The following ITGA9 variants were observed in gnomAD, a reference collection of about 807,000 sequenced individuals.
ITGA9 encodes integrin subunit alpha 9.
A neutral mutation model predicts 127.8 loss-of-function variants in ITGA9; 56 were observed. That is an observed-to-expected ratio of 0.44 (90% CI 0.35 to 0.55). The LOEUF (loss-of-function observed/expected upper bound fraction) is 0.55. Ranked by LOEUF, ITGA9 falls within the 20% of genes least tolerant of loss-of-function variation. ITGA9 has a pLI of 0.00. For synonymous variants in ITGA9, 508 were observed against 514.5 expected, an observed-to-expected ratio of 0.99 and a Z score of 0.17; for missense variants, 1,196 against 1,347.1, an observed-to-expected ratio of 0.89 and a Z score of 1.76.
intron 26 of ITGA9, among the ~76,000 whole-genome samples, chr3:37,801,162 C>T (rs1408732967): frequency 6.6e-6 from 1 of 151,788 alleles, no homozygotes; most frequent in Non-Finnish European, 1.5e-5. Flanking sequence ...AAGACTCCGT[C>T]TCAAAAAAAG....
chr3:37,542,687 A>C, intron 15 of ITGA9, 102 bp downstream of exon 15: 1 of 1,237,548 alleles, frequency 8.1e-7, no homozygotes, highest in South Asian at 1.3e-5. Flanking sequence ...GTGCTCTTCC[A>C]AAATTTTATT....
At chr3:37,533,948 G>C (rs1252282356) in intron 14 of ITGA9, among the ~76,000 whole-genome samples, 1 of 152,220 alleles carries the variant, frequency 6.6e-6, no homozygotes, top group East Asian at 1.9e-4. Flanking sequence ...TGGTGTTACA[G>C]AGGCTTAGGT....
chr3:37,536,869 A>G (rs1699212954), intron 14 of ITGA9, among the ~76,000 whole-genome samples: 1 of 152,240 alleles, frequency 6.6e-6, no homozygotes, highest in Non-Finnish European at 1.5e-5. Context: ...GTCATGGACG[A>G]CCTGGGAGTA....
chr3:37,700,747 G>A (rs961688695), intron 18 of ITGA9, among the ~76,000 whole-genome samples: 1 of 152,190 alleles, frequency 6.6e-6, no homozygotes, highest in Admixed American at 6.5e-5. Context: ...CTAATGGATG[G>A]TGGGCAAATA....
At chr3:37,607,208 A>G (rs570452907) in intron 15 of ITGA9, among the ~76,000 whole-genome samples, 17 of 152,082 alleles carry the variant, frequency 1.1e-4, no homozygotes, top group South Asian at 6.2e-4. Context: ...CCTTAGGAAC[A>G]TGAGTGTTTT....
At chr3:37,810,726 A>T (rs986821772) in intron 27 of ITGA9, among the ~76,000 whole-genome samples, 1 of 152,174 alleles carries the variant, frequency 6.6e-6, no homozygotes, top group African/African-American at 2.4e-5. Context: ...TCAACAACAG[A>T]GCCCTCACCT....
Position 37,805,126 on chromosome 3 carries a change from A to G in ITGA9, c.3009+1184A>G, listed in dbSNP as rs74632362. On this transcript the variant is annotated intron_variant, in intron 27 of 27. Transcript: ENST00000264741. ...ACCCAGGCTGGAAGGCAGTGGCACA[A>G]TCATAGCTCTAACTCCTGGGCTCAA... 7.1e-3 allele frequency among the ~76,000 whole-genome samples: 1,072 copies of G among 151,982 alleles called. 3 individuals are homozygous for G. The highest frequency in any genetic ancestry group is 0.01 in the Non-Finnish European group (691 of 67,964).
intron 8 of ITGA9, among the ~76,000 whole-genome samples, chr3:37,512,048 CTTTCTTTCTTTCTTTCT>C (rs1698920732): frequency 1.3e-4 from 5 of 39,068 alleles, no homozygotes; most frequent in Non-Finnish European, 2.3e-4. Context: ...TTCTTTCTTT[CTTTCTTTCTTTCTTTCT>C]TTCTTTCTTT....
chr3:37,810,506 C>T (rs1452155693), intron 27 of ITGA9, among the ~76,000 whole-genome samples: 15 of 152,172 alleles, frequency 9.9e-5, no homozygotes, highest in Non-Finnish European at 1.8e-4. Flanking sequence ...ACCTCCGCCT[C>T]CCGGGTTCAA....
At chr3:37,632,692 A>G (rs546710978) in intron 16 of ITGA9, among the ~76,000 whole-genome samples, 176 of 152,308 alleles carry the variant, frequency 1.2e-3, no homozygotes, top group African/African-American at 4.1e-3. Context: ...AAAATTCTAA[A>G]TGTTTCGAGG....
At chr3:37,580,144 T>C (rs1008222788) in intron 15 of ITGA9, among the ~76,000 whole-genome samples, 10 of 152,170 alleles carry the variant, frequency 6.6e-5, no homozygotes, top group African/African-American at 2.4e-4. Context: ...CAGTAGATTG[T>C]TGGGGAGAAA....
At chr3:37,758,329 C>CAAAAAAAAAAAAAAAAAAA (rs57505967) in intron 23 of ITGA9, among the ~76,000 whole-genome samples, 15 of 65,988 alleles carry the variant, frequency 2.3e-4, no homozygotes, top group African/African-American at 1.0e-3. Context: ...GACTCCGTCT[C>CAAAAAAAAAAAAAAAAAAA]AAAAAAAAAA....
At chr3:37,723,311 A>G (rs930322528) in intron 18 of ITGA9, among the ~76,000 whole-genome samples, 1 of 149,086 alleles carries the variant, frequency 6.7e-6, no homozygotes, top group South Asian at 2.3e-4. Flanking sequence ...AATTTTGATG[A>G]TATCCAGATT....
chr3:37,591,290 T>C lies in ITGA9; in HGVS notation c.1690-37897T>C, dbSNP rs546423658. Among the ~76,000 whole-genome samples, 6 of 152,374 alleles carry C rather than the reference T, an allele frequency of 3.9e-5. No individual in the cohort carries two copies. The South Asian group carries it at 1.2e-3, about 32-fold the overall frequency. ...TTGCCTAATGTCCCTGGAATTTATT[T>C]GCTGGAGCATTTTCCATTTTCATAT... On this transcript the variant is annotated intron_variant, in intron 15 of 27. Transcript: ENST00000264741.
intron 4 of ITGA9, among the ~76,000 whole-genome samples, chr3:37,483,588 G>A (rs2125559817): frequency 6.6e-6 from 1 of 152,322 alleles, no homozygotes; most frequent in Non-Finnish European, 1.5e-5. Context: ...GGTGGGTGCT[G>A]GGGCCAGTGT....
chr3:37,748,018 CTTG>C (rs1696526755), intron 22 of ITGA9: 1 of 340,200 alleles, frequency 2.9e-6, no homozygotes, highest in Non-Finnish European at 5.7e-6. Flanking sequence ...CAGTTCCGTC[CTTG>C]TTGTTGCAAA....
At chr3:37,488,039 AT>A (rs1162110192) in intron 4 of ITGA9, among the ~76,000 whole-genome samples, 2 of 152,142 alleles carry the variant, frequency 1.3e-5, no homozygotes, top group East Asian at 1.9e-4. Flanking sequence ...TACTGGGAAC[AT>A]TTGGTTTCAG....
chr3:37,542,189 A>G (rs571168899), intron 14 of ITGA9, among the ~76,000 whole-genome samples: 9 of 152,140 alleles, frequency 5.9e-5, no homozygotes, highest in Non-Finnish European at 1.3e-4. Context: ...GCCGTGAAGT[A>G]TGACACAAGG....
intron 16 of ITGA9, among the ~76,000 whole-genome samples, chr3:37,646,167 C>T (rs892517895): frequency 1.3e-5 from 2 of 152,220 alleles, no homozygotes; most frequent in Non-Finnish European, 2.9e-5. Flanking sequence ...AAATCCACCA[C>T]TGCCTGTTTT....
Sources: gnomAD v4.1 joint callset for allele counts (sites outside exome capture counted in the v4.1 genomes callset) on GRCh38, gnomAD v4.1.1 for gene constraint, MANE v1.5 for transcripts, NCBI Gene and HGNC (gene_info 2026-07-23, HGNC 2026-07-21) for gene names.